The following CNTNAP2 variants were observed in gnomAD, a reference collection of about 807,000 sequenced individuals.
The protein encoded by CNTNAP2 is contactin associated protein 2, also known as contactin-associated protein-like 2.
Under a neutral mutation model 155.2 loss-of-function variants are expected in CNTNAP2, and 98 were observed. That is an observed-to-expected ratio of 0.63 (90% CI 0.54 to 0.75). The LOEUF (loss-of-function observed/expected upper bound fraction) is 0.75. CNTNAP2 is among the 30% of genes least tolerant of loss of function. The pLI is 0.00. For synonymous variants in CNTNAP2, 651 were observed against 631.2 expected, an observed-to-expected ratio of 1.03 and a Z score of -0.47; for missense variants, 1,727 against 1,688.1, an observed-to-expected ratio of 1.02 and a Z score of -0.40.
At chr7:146,856,423 C>T (rs906934780) in intron 3 of CNTNAP2, among the ~76,000 whole-genome samples, 4 of 151,792 alleles carry the variant, frequency 2.6e-5, no homozygotes, top group South Asian at 2.1e-4. Flanking sequence ...GACTAGGAAA[C>T]GTGGAAGGGT....
chr7:148,084,717 G>A (rs867437054), intron 15 of CNTNAP2, among the ~76,000 whole-genome samples: 1 of 152,232 alleles, frequency 6.6e-6, no homozygotes, highest in Middle Eastern at 3.4e-3. Context: ...CTAATCATTT[G>A]GGTCTCTTGT....
intron 3 of CNTNAP2, among the ~76,000 whole-genome samples, chr7:146,953,556 T>C (rs550694741): frequency 6.6e-6 from 1 of 152,052 alleles, no homozygotes; most frequent in South Asian, 2.1e-4. Context: ...GAATTCCAAT[T>C]ACGAAATTCG....
chr7:147,575,486 A>G (rs544105928), intron 12 of CNTNAP2, among the ~76,000 whole-genome samples: 9 of 110,270 alleles, frequency 8.2e-5, no homozygotes, highest in African/African-American at 2.8e-4. Context: ...GTGTGTGTGT[A>G]TTCCCTAGCT....
intron 2 of CNTNAP2, among the ~76,000 whole-genome samples, chr7:146,826,840 A>ATG (rs1803410814): frequency 1.6e-5 from 2 of 128,078 alleles, no homozygotes; most frequent in African/African-American, 6.6e-5. Flanking sequence ...ATATATGTAT[A>ATG]TATATATATA....
At chr7:146,248,724 G>T (rs535984281) in intron 1 of CNTNAP2, among the ~76,000 whole-genome samples, 80 of 152,254 alleles carry the variant, frequency 5.3e-4, no homozygotes, top group African/African-American at 1.9e-3. Flanking sequence ...ACCTGAGGTC[G>T]TACGTGGATC....
chr7:148,388,804 C>T (rs1169856744), intron 22 of CNTNAP2, among the ~76,000 whole-genome samples: 1 of 152,150 alleles, frequency 6.6e-6, no homozygotes, highest in African/African-American at 2.4e-5. Flanking sequence ...CCACTCCAGA[C>T]CCTGTTTGCC....
intron 20 of CNTNAP2, among the ~76,000 whole-genome samples, chr7:148,231,283 C>G (rs1795956102): frequency 6.6e-6 from 1 of 152,104 alleles, no homozygotes. Flanking sequence ...GAGATATAGA[C>G]AGTGGAGCAG....
chr7:147,788,842 C>T (rs1797775005), intron 13 of CNTNAP2, among the ~76,000 whole-genome samples: 1 of 151,800 alleles, frequency 6.6e-6, no homozygotes, highest in Non-Finnish European at 1.5e-5. Flanking sequence ...CTCTTACTCC[C>T]ACACCTCATG....
chr7:146,926,080 T>A (rs1358497736), intron 3 of CNTNAP2, among the ~76,000 whole-genome samples: 1 of 152,168 alleles, frequency 6.6e-6, no homozygotes, highest in East Asian at 1.9e-4. Flanking sequence ...ATAATAATAC[T>A]CAAATGCTTA....
In CNTNAP2 at chr7:146,643,983, A is replaced by G. The variant is rs1259388809; in HGVS notation, c.98-130288A>G. Reference sequence around the variant, plus strand: ...TGTTGGTCTGTTATTGGTGTATAAGAAAGCTTGTGATTTTTGTAGATTGAT... The same window carrying G: ...TGTTGGTCTGTTATTGGTGTATAAGGAAGCTTGTGATTTTTGTAGATTGAT... On this transcript the variant is annotated intron_variant, in intron 1 of 23. Transcript: ENST00000361727. 5.3e-5 allele frequency among the ~76,000 whole-genome samples: 8 copies of G among 152,294 alleles called. No homozygotes were observed. In the East Asian group the frequency reaches 1.5e-3, roughly 29 times the overall value.
intron 1 of CNTNAP2, among the ~76,000 whole-genome samples, chr7:146,502,238 T>TATATGA (rs1797314927): frequency 8.5e-6 from 1 of 118,112 alleles, no homozygotes; most frequent in Non-Finnish European, 1.8e-5. Context: ...TATATATATA[T>TATATGA]ATATATATAT....
chr7:147,787,491 G>A (rs986167185), intron 13 of CNTNAP2, among the ~76,000 whole-genome samples: 1 of 152,208 alleles, frequency 6.6e-6, no homozygotes, highest in African/African-American at 2.4e-5. Context: ...CACATGGTTA[G>A]AATCATTAAT....
At chr7:146,827,446 T>G (rs1208173966) in intron 2 of CNTNAP2, among the ~76,000 whole-genome samples, 1 of 151,988 alleles carries the variant, frequency 6.6e-6, no homozygotes, top group East Asian at 1.9e-4. Flanking sequence ...ACTTACTTTC[T>G]GCATCTTCAC....
intron 12 of CNTNAP2, among the ~76,000 whole-genome samples, chr7:147,562,926 T>C (rs1253138113): frequency 6.6e-6 from 1 of 152,070 alleles, no homozygotes; most frequent in East Asian, 1.9e-4. Context: ...AGGTGTGAGG[T>C]ATGCATTATT....
chr7:147,117,823 C>G (rs2129281997), intron 5 of CNTNAP2, among the ~76,000 whole-genome samples: 1 of 152,178 alleles, frequency 6.6e-6, no homozygotes, highest in South Asian at 2.1e-4. Flanking sequence ...GATTATAAAA[C>G]TTTTCACATT....
chr7:147,293,705 G>T (rs187116201), intron 8 of CNTNAP2, among the ~76,000 whole-genome samples: 3 of 151,630 alleles, frequency 2.0e-5, no homozygotes, highest in African/African-American at 7.3e-5. Context: ...TTTTCTTCTT[G>T]TCTCTAATAA....
intron 11 of CNTNAP2, among the ~76,000 whole-genome samples, chr7:147,546,331 A>G (rs904815170): frequency 4.6e-5 from 7 of 152,178 alleles, no homozygotes; most frequent in African/African-American, 1.7e-4. Context: ...AAAAAAGAAA[A>G]TGGAACTATT....
intron 21 of CNTNAP2, among the ~76,000 whole-genome samples, chr7:148,293,927 C>T (rs1797236050): frequency 6.7e-6 from 1 of 149,804 alleles, no homozygotes; most frequent in East Asian, 2.0e-4. Context: ...CGCAGCTACT[C>T]GGGAGGCTGA....
intron 1 of CNTNAP2, among the ~76,000 whole-genome samples, chr7:146,181,966 G>T (rs972982976): frequency 3.9e-5 from 6 of 152,008 alleles, no homozygotes; most frequent in Non-Finnish European, 5.9e-5. Context: ...GGTTAGCTTA[G>T]AGCTTATATT....
Sources: gnomAD v4.1 joint callset for allele counts (sites outside exome capture counted in the v4.1 genomes callset) on GRCh38, gnomAD v4.1.1 for gene constraint, MANE v1.5 for transcripts, NCBI Gene and HGNC (gene_info 2026-07-23, HGNC 2026-07-21) for gene names.